Variants in FGF13 observed in about 807,000 individuals in gnomAD.
FGF13 encodes fibroblast growth factor homologous factor 2.
In FGF13, 2 loss-of-function variants were observed where a neutral mutation model predicts 19.5. That is an observed-to-expected ratio of 0.10 (90% CI 0.04 to 0.32). The LOEUF is 0.32. FGF13 is among the 10% of genes least tolerant of loss of function. The pLI is 1.00. For missense variants in FGF13, 113 were observed against 192.7 expected (o/e 0.59, Z 2.45); for synonymous variants, 72 against 76.9 (o/e 0.94, Z 0.33).
chrX:139,013,947 C>T (rs1186701928), intron 1 of FGF13, among the ~76,000 whole-genome samples: 1 of 110,727 alleles, frequency 9.0e-6, no homozygotes, highest in African/African-American at 3.3e-5. Context: ...AAATCAATAG[C>T]ACAAGGAACT....
intron 3 of FGF13, among the ~76,000 whole-genome samples, chrX:138,780,964 A>T (rs1194096718): frequency 9.0e-6 from 1 of 110,736 alleles, no homozygotes; most frequent in Admixed American, 9.6e-5. Flanking sequence ...ATAACAAACT[A>T]TCTCTCAGAC....
intron 1 of FGF13, among the ~76,000 whole-genome samples, chrX:139,089,802 G>A (rs980554212): frequency 8.9e-6 from 1 of 111,946 alleles, no homozygotes; most frequent in Non-Finnish European, 1.9e-5. Flanking sequence ...TGCTCAATAA[G>A]TGTTACTGAT....
intron 1 of FGF13, among the ~76,000 whole-genome samples, chrX:138,959,843 C>A (rs1376438949): frequency 9.0e-6 from 1 of 111,353 alleles, no homozygotes; most frequent in Non-Finnish European, 1.9e-5. Flanking sequence ...AGAATTGCAA[C>A]CCCTGCTTTT....
At chrX:139,057,309 C>T (rs1198220805) in intron 1 of FGF13, among the ~76,000 whole-genome samples, 2 of 109,761 alleles carry the variant, frequency 1.8e-5, no homozygotes, top group Non-Finnish European at 3.8e-5. Context: ...ATATAAAAAC[C>T]TGTCAAGAAG....
chrX:138,828,384 C>T (rs1185328916), intron 3 of FGF13, among the ~76,000 whole-genome samples: 5 of 109,506 alleles, frequency 4.6e-5, no homozygotes, highest in South Asian at 8.0e-4. Flanking sequence ...CTGGCTAACA[C>T]GGTGAAACCC....
At chrX:139,024,221 T>C (rs771522734) in intron 1 of FGF13, among the ~76,000 whole-genome samples, 1 of 111,502 alleles carries the variant, frequency 9.0e-6, no homozygotes, top group South Asian at 3.8e-4. Context: ...AGCCATTTTT[T>C]TAAAAAGTCT....
intron 3 of FGF13, among the ~76,000 whole-genome samples, chrX:138,768,663 T>C (rs905469244): frequency 4.8e-5 from 5 of 104,013 alleles, no homozygotes; most frequent in South Asian, 4.0e-4. Flanking sequence ...AAGTCAAAAG[T>C]AGTATATATA....
intron 3 of FGF13, among the ~76,000 whole-genome samples, chrX:138,824,687 T>TACAG (rs2091022206): frequency 9.9e-5 from 11 of 111,571 alleles, no homozygotes; most frequent in Admixed American, 5.7e-4. Flanking sequence ...TACTAAATTT[T>TACAG]GCCTATATTC....
intron 3 of FGF13, among the ~76,000 whole-genome samples, chrX:138,778,828 G>C (rs2124353954): frequency 8.9e-6 from 1 of 112,675 alleles, no homozygotes; most frequent in South Asian, 3.6e-4. Flanking sequence ...GCTCAAGGAG[G>C]CCTGCCTGCC....
chrX:139,103,674 A>G (rs2083534185), intron 1 of FGF13, among the ~76,000 whole-genome samples: 1 of 111,912 alleles, frequency 8.9e-6, no homozygotes, highest in African/African-American at 3.2e-5. Context: ...AAATGGGTGA[A>G]TTGTATGGTA....
At chrX:138,811,444 G>A (rs2090924239) in intron 3 of FGF13, among the ~76,000 whole-genome samples, 1 of 110,143 alleles carries the variant, frequency 9.1e-6, no homozygotes, top group South Asian at 4.0e-4. Flanking sequence ...GGGGCCTGTT[G>A]TGGGGTGGGG....
intron 3 of FGF13, among the ~76,000 whole-genome samples, chrX:138,783,929 T>C (rs1440551900): frequency 2.8e-5 from 3 of 106,451 alleles, no homozygotes; most frequent in Admixed American, 1.0e-4. Context: ...TGTCCAACAA[T>C]GATAGACTGG....
chrX:138,945,375 A>G (rs2091776982), intron 1 of FGF13, among the ~76,000 whole-genome samples: 1 of 111,232 alleles, frequency 9.0e-6, no homozygotes, highest in Admixed American at 9.6e-5. Context: ...GCTGTCCTCC[A>G]CAATCTTGAG....
At position 138,848,257 on chromosome X, in the gene FGF13, G is replaced by C. The variant is rs1002461609; in HGVS notation, c.217+9255C>G. ...ACCTTACATGGCCATAAGTTCTAAA[G>C]GTCATATAAGGGCTGCCTCTCCAGC... On this transcript the variant is annotated intron_variant, in intron 3 of 6. Transcript: ENST00000436198. 3.6e-5 allele frequency among the ~76,000 whole-genome samples: 4 copies of C among 111,392 alleles called. No homozygotes were observed. In the East Asian group the frequency reaches 1.1e-3, roughly 32 times the overall value.
chrX:138,983,866 CAGTTATGAAAGATG>C (rs2091974823), intron 1 of FGF13, among the ~76,000 whole-genome samples: 1 of 99,607 alleles, frequency 1.0e-5, no homozygotes, highest in Non-Finnish European at 2.0e-5. Flanking sequence ...TATAAAGTTT[CAGTTATGAAAGATG>C]ATTAAGTTCT....
At chrX:139,104,761 G>T (rs981126888) in intron 1 of FGF13, among the ~76,000 whole-genome samples, 1 of 110,907 alleles carries the variant, frequency 9.0e-6, no homozygotes, top group African/African-American at 3.3e-5. Context: ...CAGGGAGCTA[G>T]CTCTCTGCTC....
chrX:138,860,522 C>T (rs755245980), intron 2 of FGF13, among the ~76,000 whole-genome samples: 20 of 111,982 alleles, frequency 1.8e-4, no homozygotes, highest in African/African-American at 6.5e-4. Context: ...TCCCTTCTTG[C>T]ACATGACCTC....
intron 1 of FGF13, among the ~76,000 whole-genome samples, chrX:138,868,371 TG>T (rs2124161078): frequency 9.0e-6 from 1 of 110,771 alleles, no homozygotes; most frequent in South Asian, 3.9e-4. Flanking sequence ...CCAGTGTGTG[TG>T]TGTGTGCGTG....
Position 138,615,433 on chromosome X carries a change from T to A in FGF13, c.*17417A>T, listed in dbSNP as rs886912765. ...AATATACACATGCTTATTCCTATAG[T>A]AGTGTTACTATATTCAGTTATTAAT... is the stretch of plus-strand genomic sequence containing the variant. On this transcript the variant is annotated 3_prime_UTR_variant, in exon 5 of 5. Transcript: ENST00000315930. 8.9e-6 allele frequency: 1 copy of A among 111,928 alleles called. No homozygotes were observed. Among genetic ancestry groups the A allele is most frequent in the African/African-American group, 3.2e-5 (1 of 30,782 alleles). The allele number at this position is 111,928 out of a possible 1,213,427, so 9.2% of individuals were successfully genotyped here.
Sources: gnomAD v4.1 joint callset for allele counts (sites outside exome capture counted in the v4.1 genomes callset) on GRCh38, gnomAD v4.1.1 for gene constraint, MANE v1.5 for transcripts, NCBI Gene and HGNC (gene_info 2026-07-23, HGNC 2026-07-21) for gene names.